Variants in DAB2IP observed in about 807,000 individuals in gnomAD.
DAB2IP encodes the protein DAB2 interacting protein.
A neutral mutation model predicts 107.2 loss-of-function variants in DAB2IP; 28 were observed. The ratio of observed to expected loss-of-function variants is 0.26; its 90% CI spans 0.19 to 0.36. The LOEUF is 0.36. Ranked by LOEUF, DAB2IP falls within the 10% of genes least tolerant of loss-of-function variation. The probability of loss-of-function intolerance (pLI) is 1.00; values close to 1 mark genes in which losing one functional copy is unlikely to be tolerated. For synonymous variants in DAB2IP, 755 were observed against 706.4 expected (o/e 1.07, Z -1.09); for missense variants, 1,400 against 1,644.7 (o/e 0.85, Z 2.57).
intron 1 of DAB2IP, among the ~76,000 whole-genome samples, chr9:121,572,899 C>A (rs1359900228): frequency 6.6e-6 from 1 of 152,084 alleles, no homozygotes; most frequent in Non-Finnish European, 1.5e-5. Flanking sequence ...CCATTTCTTC[C>A]TGATGACAAC....
chr9:121,578,685 A>ATCCCATCC (rs1161954042), intron 1 of DAB2IP, among the ~76,000 whole-genome samples: 3 of 120,240 alleles, frequency 2.5e-5, no homozygotes, highest in Non-Finnish European at 3.3e-5. Context: ...AGTCTCTCCC[A>ATCCCATCC]TCCCATCCTC....
intron 1 of DAB2IP, among the ~76,000 whole-genome samples, chr9:121,620,036 A>G (rs1831408869): frequency 6.6e-6 from 1 of 152,226 alleles, no homozygotes. Flanking sequence ...AAACTTAGCA[A>G]CAGTCAAAAA....
At chr9:121,645,163 G>C (rs1832493365) in intron 1 of DAB2IP, among the ~76,000 whole-genome samples, 1 of 152,230 alleles carries the variant, frequency 6.6e-6, no homozygotes, top group African/African-American at 2.4e-5. Context: ...GGGGCTGTGG[G>C]CGTCACTGGG....
rs187650111 is a variant in DAB2IP at position 121,596,901 on chromosome 9, C to T, written c.40+29673C>T. On this transcript the variant is annotated intron_variant, in intron 1 of 16. Transcript: ENST00000259371. ...ACTCCAGGTCCCTACTGTCCCACTT[C>T]TTTGTTTTTGCACCAATCTGACAGG... 8.5e-5 allele frequency among the ~76,000 whole-genome samples: 13 copies of T among 152,326 alleles called. No homozygotes were observed. In the East Asian group the frequency reaches 2.3e-3, roughly 27 times the overall value.
Position 121,774,430 on chromosome 9 carries a change from C to T in DAB2IP, c.3120+18C>T, listed in dbSNP as rs779232637. 43 of 1,599,880 alleles carry T rather than the reference C, an allele frequency of 2.7e-5. No individual in the cohort carries two copies. Among genetic ancestry groups the T allele is most frequent in the Middle Eastern group, 3.3e-4 (2 of 6,014 alleles). The stretch of plus-strand genomic sequence containing the variant: ...CAGAAAAGGTAAAACTGGACCCTGG[C>T]GGCTCGGGACAGGGCGGGGCTGCCT... On this transcript the variant is annotated intron_variant, in intron 13 of 15. Coordinates refer to ENST00000408936, the Ensembl canonical transcript of DAB2IP.
At chr9:121,573,790 C>T (rs574402225) in intron 1 of DAB2IP, among the ~76,000 whole-genome samples, 2 of 152,168 alleles carry the variant, frequency 1.3e-5, no homozygotes, top group East Asian at 1.9e-4. Flanking sequence ...GCCCTGATCA[C>T]GCAGTGAGTG....
intron 1 of DAB2IP, among the ~76,000 whole-genome samples, chr9:121,612,110 G>C (rs1171633843): frequency 6.6e-6 from 1 of 151,506 alleles, no homozygotes; most frequent in Non-Finnish European, 1.5e-5. Context: ...CTGAATTAAA[G>C]AGTCAATCTA....
In DAB2IP at chr9:121,644,088, A is replaced by G. The variant is rs146558324; in HGVS notation, c.41-34590A>G. ...CGGGAGGCTGAGGCAGGAGGGTCAC[A>G]TGAGCCCAGGCATTCGAGGTCGCAG... On this transcript the variant is annotated intron_variant, in intron 1 of 16. Coordinates refer to the DAB2IP transcript ENST00000259371. 8.7e-3 allele frequency among the ~76,000 whole-genome samples: 1,312 copies of G among 150,236 alleles called. 23 individuals are homozygous for G. Among genetic ancestry groups the G allele is most frequent in the African/African-American group, 0.029 (1,202 of 40,862 alleles).
At chr9:121,734,599 A>T (rs1437579184) in intron 3 of DAB2IP, among the ~76,000 whole-genome samples, 2 of 152,218 alleles carry the variant, frequency 1.3e-5, no homozygotes, top group Non-Finnish European at 2.9e-5. Context: ...ATGCAAAGGA[A>T]AAGGCCCTGT....
At chr9:121,768,367 G>T in intron 9 of DAB2IP, 65 bp from the exon 10 acceptor site, 2 of 1,552,658 alleles carry the variant, frequency 1.3e-6, no homozygotes, top group Non-Finnish European at 1.8e-6. Flanking sequence ...GTGTCCCAGT[G>T]GAGGGAGTTC....
intron 1 of DAB2IP, among the ~76,000 whole-genome samples, chr9:121,673,108 C>G (rs1349576008): frequency 1.3e-5 from 2 of 152,180 alleles, no homozygotes; most frequent in African/African-American, 4.8e-5. Context: ...GACCACTGCT[C>G]TTACTCCCTG....
chr9:121,583,498 A>T (rs1450967557), intron 1 of DAB2IP, among the ~76,000 whole-genome samples: 2 of 152,246 alleles, frequency 1.3e-5, no homozygotes, highest in African/African-American at 4.8e-5. Flanking sequence ...CAGAACAGAC[A>T]GACTGCACAC....
chr9:121,597,105 A>G (rs12378198), intron 1 of DAB2IP, among the ~76,000 whole-genome samples: 36,153 of 152,080 alleles, frequency 0.24, 5,191 homozygotes, highest in South Asian at 0.39. Context: ...AGGCCTTTGT[A>G]TATTTTGGAT....
At position 121,735,812 on chromosome 9, in the gene DAB2IP, G is replaced by T. The variant is rs781376690; in HGVS notation, c.363-21201G>T. 1.4e-3 allele frequency among the ~76,000 whole-genome samples: 207 copies of T among 152,206 alleles called. 2 individuals carry two copies. Among genetic ancestry groups the T allele is most frequent in the Non-Finnish European group, 1.1e-3 (77 of 68,038 alleles). ...CCCAGGCAAAAATACCTGGTTGGCT[G>T]GGTGTGCCTTTCCCCTAGGGGTTTT... On this transcript the variant is annotated intron_variant, in intron 3 of 15. Coordinates refer to ENST00000408936, the Ensembl canonical transcript of DAB2IP.
intron 10 of DAB2IP, among the ~76,000 whole-genome samples, chr9:121,770,280 G>A (rs1834615932): frequency 6.6e-6 from 1 of 152,260 alleles, no homozygotes. Flanking sequence ...AGGGCAAACT[G>A]AAGGAGAGGC....
chr9:121,631,983 C>T (rs570662310), intron 1 of DAB2IP, among the ~76,000 whole-genome samples: 8 of 152,128 alleles, frequency 5.3e-5, no homozygotes, highest in African/African-American at 1.9e-4. Context: ...GGGTGGCCAT[C>T]GTTGACACCT....
At chr9:121,604,544 T>C (rs1029716229) in intron 1 of DAB2IP, among the ~76,000 whole-genome samples, 1 of 152,232 alleles carries the variant, frequency 6.6e-6, no homozygotes, top group Non-Finnish European at 1.5e-5. Context: ...CTTCAGGTTT[T>C]ATGTTGCCTG....
intron 1 of DAB2IP, among the ~76,000 whole-genome samples, chr9:121,588,586 G>T (rs531836578): frequency 5.3e-4 from 34 of 63,572 alleles, no homozygotes; most frequent in Non-Finnish European, 1.1e-3. Flanking sequence ...AGGGGGAAGG[G>T]AAGGGGGAAG....
At chr9:121,783,863 C>T (rs1174021270) in exon 16 of DAB2IP, 11 of 439,548 alleles carry the variant, frequency 2.5e-5, no homozygotes, top group Admixed American at 3.4e-5. Context: ...GGGTCTCTCT[C>T]GGCCCCTGTC....
Sources: gnomAD v4.1 joint callset for allele counts (sites outside exome capture counted in the v4.1 genomes callset) on GRCh38, gnomAD v4.1.1 for gene constraint, MANE v1.5 for transcripts, NCBI Gene and HGNC (gene_info 2026-07-23, HGNC 2026-07-21) for gene names.